Variants in COL5A2 observed in about 807,000 individuals in gnomAD.
COL5A2 encodes the protein collagen type V alpha 2 chain.
Under a neutral mutation model 208.2 loss-of-function variants are expected in COL5A2, and 23 were observed. That is an observed-to-expected ratio of 0.11 (90% CI 0.08 to 0.16). COL5A2 has a LOEUF of 0.16. Ranked by LOEUF, COL5A2 falls within the 10% of genes least tolerant of loss-of-function variation. The pLI, the probability that COL5A2 is intolerant of heterozygous loss-of-function variation, is 1.00. For missense variants in COL5A2, 1,590 were observed against 1,956.4 expected, an observed-to-expected ratio of 0.81 and a Z score of 3.53; for synonymous variants, 625 against 628.5, an observed-to-expected ratio of 0.99 and a Z score of 0.08.
At chr2:189,433,736 C>T in the COL5A2 span, among the ~76,000 whole-genome samples, 6 of 152,124 alleles carry the variant, frequency 3.9e-5, no homozygotes, top group Non-Finnish European at 8.8e-5. Flanking sequence ...GATTCACAGT[C>T]GAATTCTACC....
chr2:189,111,389 A>G (rs1227913933), intron 1 of COL5A2, among the ~76,000 whole-genome samples: 1 of 152,194 alleles, frequency 6.6e-6, no homozygotes. Context: ...GCTTAAATAC[A>G]TCAAGAACTT....
the COL5A2 span, among the ~76,000 whole-genome samples, chr2:189,385,868 C>T: frequency 6.6e-6 from 1 of 152,086 alleles, no homozygotes. Flanking sequence ...CATCTGTTCT[C>T]ATGATGCTAA....
chr2:189,254,428 C>T, the COL5A2 span, among the ~76,000 whole-genome samples: 39 of 152,194 alleles, frequency 2.6e-4, 1 homozygote, highest in Admixed American at 1.3e-4. Flanking sequence ...ATCTAAACCA[C>T]CACCACTGTT....
chr2:189,040,756 A>C (rs1685544698), intron 50 of COL5A2, among the ~76,000 whole-genome samples: 1 of 152,210 alleles, frequency 6.6e-6, no homozygotes, highest in Non-Finnish European at 1.5e-5. Flanking sequence ...TAATATATCA[A>C]GGCCCACTGA....
chr2:189,098,205 T>C (rs992712535), intron 5 of COL5A2, among the ~76,000 whole-genome samples: 14 of 152,226 alleles, frequency 9.2e-5, no homozygotes, highest in Admixed American at 3.3e-4. Flanking sequence ...TAACTTAGTA[T>C]TTTAAGCTGA....
At chr2:189,182,071 G>A (rs1688788616), upstream of COL5A2, among the ~76,000 whole-genome samples, 2 of 152,130 alleles carry the variant, frequency 1.3e-5, no homozygotes, top group Admixed American at 1.3e-4. Context: ...TCTGGTTTTA[G>A]GGTCCCACAT....
At chr2:189,416,235 C>T in the COL5A2 span, among the ~76,000 whole-genome samples, 140 of 152,320 alleles carry the variant, frequency 9.2e-4, no homozygotes, top group African/African-American at 3.3e-3. Context: ...GATTATAAGT[C>T]ATGCTGCTAT....
At chr2:189,366,151 G>C in the COL5A2 span, among the ~76,000 whole-genome samples, 2 of 152,030 alleles carry the variant, frequency 1.3e-5, no homozygotes, top group East Asian at 1.9e-4. Flanking sequence ...AGGATTAATT[G>C]AGCTAAGAAA....
chr2:189,168,848 A>C (rs1008248161), intron 1 of COL5A2, among the ~76,000 whole-genome samples: 1 of 152,190 alleles, frequency 6.6e-6, no homozygotes, highest in African/African-American at 2.4e-5. Flanking sequence ...TAAACCCATC[A>C]TTTTTTATTA....
the COL5A2 span, among the ~76,000 whole-genome samples, chr2:189,413,783 A>ATTTTTT: frequency 5.1e-5 from 4 of 79,176 alleles, no homozygotes; most frequent in East Asian, 4.5e-4. Flanking sequence ...CCTTGGCGTC[A>ATTTTTT]TTTTTTTTTT....
At chr2:189,223,153 T>G (rs1689369139) in intron 1 of COL5A2, among the ~76,000 whole-genome samples, 1 of 152,190 alleles carries the variant, frequency 6.6e-6, no homozygotes, top group African/African-American at 2.4e-5. Context: ...GGCAATAAAT[T>G]TCTTCAAATG....
chr2:189,436,075 G>A, the COL5A2 span, among the ~76,000 whole-genome samples: 3 of 152,140 alleles, frequency 2.0e-5, no homozygotes, highest in South Asian at 4.2e-4. Context: ...ACTATCACCA[G>A]GATAAAAAAC....
the COL5A2 span, among the ~76,000 whole-genome samples, chr2:189,326,566 G>A: frequency 4.6e-5 from 7 of 151,800 alleles, no homozygotes; most frequent in East Asian, 7.8e-4. Flanking sequence ...TGGTGTGCGC[G>A]CCTGTAGTCC....
chr2:189,284,404 C>T, the COL5A2 span, among the ~76,000 whole-genome samples: 5 of 152,014 alleles, frequency 3.3e-5, no homozygotes, highest in Admixed American at 6.6e-5. Flanking sequence ...GGCTGGGAGG[C>T]CTCAGGAAAC....
the COL5A2 span, among the ~76,000 whole-genome samples, chr2:189,418,882 G>A: frequency 6.6e-6 from 1 of 152,142 alleles, no homozygotes; most frequent in African/African-American, 2.4e-5. Context: ...TCTGGGAATT[G>A]GGGGAGTAAA....
At chr2:189,337,425 G>T in the COL5A2 span, among the ~76,000 whole-genome samples, 13 of 151,694 alleles carry the variant, frequency 8.6e-5, no homozygotes, top group Non-Finnish European at 1.3e-4. Context: ...CTCGTGATCC[G>T]CCCGCCTCGG....
At chr2:189,234,963 T>C in the COL5A2 span, among the ~76,000 whole-genome samples, 1 of 151,686 alleles carries the variant, frequency 6.6e-6, no homozygotes, top group Non-Finnish European at 1.5e-5. Flanking sequence ...CTTAACCCAA[T>C]AGGTTCAATA....
chr2:189,172,225 G>A lies in COL5A2; in HGVS notation c.97+7283C>T, dbSNP rs116810146. 8.3e-3 allele frequency among the ~76,000 whole-genome samples: 1,261 copies of A among 152,206 alleles called. 14 individuals are homozygous for A. The highest frequency in any genetic ancestry group is 0.028 in the African/African-American group (1,168 of 41,516). ...AGCTGAACTTGTTTACAAGCTAAAGGGAAAGAGCAGATAGAAAGGAAGTGG... is the reference window on the plus strand; with the variant it reads ...AGCTGAACTTGTTTACAAGCTAAAGAGAAAGAGCAGATAGAAAGGAAGTGG... On this transcript the variant is annotated intron_variant, in intron 1 of 53. Coordinates refer to ENST00000374866, the MANE Select transcript of COL5A2 (RefSeq NM_000393.5).
chr2:189,421,767 C>A, the COL5A2 span, among the ~76,000 whole-genome samples: 1 of 152,292 alleles, frequency 6.6e-6, no homozygotes, highest in South Asian at 2.1e-4. Context: ...GGGCCTTGGA[C>A]AAATCTCAGT....
Sources: allele counts gnomAD v4.1 joint callset (sites outside exome capture counted in the v4.1 genomes callset), GRCh38; gene constraint gnomAD v4.1.1; transcripts MANE v1.5; gene names NCBI Gene and HGNC (gene_info 2026-07-23, HGNC 2026-07-21).